The following DCAF17 variants were observed in gnomAD, a reference collection of about 807,000 sequenced individuals.
DCAF17 encodes DDB1- and CUL4-associated factor 17.
In DCAF17, 48 loss-of-function variants were observed where a neutral mutation model predicts 66.0. The ratio of observed to expected loss-of-function variants is 0.73; its 90% confidence interval spans 0.58 to 0.92. The LOEUF is 0.92. Among genes scored for constraint, DCAF17 ranks in the 40% least tolerant of loss-of-function variants. The pLI is 0.00. For missense variants in DCAF17, 562 were observed against 622.8 expected (o/e 0.90, Z 1.04); for synonymous variants, 206 against 214.6 (o/e 0.96, Z 0.35).
chr2:171,456,566 C>T (rs1273082915), intron 6 of DCAF17, among the ~76,000 whole-genome samples: 1 of 152,200 alleles, frequency 6.6e-6, no homozygotes, highest in Non-Finnish European at 1.5e-5. Context: ...ATGGGAATAG[C>T]ATTAAATATA....
At chr2:171,452,836 A>C (rs1695032782) in intron 5 of DCAF17, among the ~76,000 whole-genome samples, 1 of 152,246 alleles carries the variant, frequency 6.6e-6, no homozygotes, top group Non-Finnish European at 1.5e-5. Flanking sequence ...ACTCCAATTC[A>C]AAATATAAAT....
chr2:171,436,323 C>G (rs1693944332), intron 2 of DCAF17, among the ~76,000 whole-genome samples: 1 of 152,108 alleles, frequency 6.6e-6, no homozygotes, highest in Non-Finnish European at 1.5e-5. Flanking sequence ...TTCACTTCTC[C>G]TAGATTATAC....
At position 171,482,130 on chromosome 2, in the gene DCAF17, T is replaced by G. The variant is rs1696769316; in HGVS notation, c.*1016T>G. 2.2e-6 allele frequency: 1 copy of G among 448,158 alleles called. No homozygotes were observed. Among genetic ancestry groups the G allele is most frequent in the African/African-American group, 2.0e-5 (1 of 49,654 alleles). The allele number at this position is 448,158 out of a possible 1,614,324, so 27.8% of individuals were successfully genotyped here. A position where few individuals can be genotyped will look rare whatever the true frequency, so the allele number is the denominator to read the frequency against. Reference sequence around the variant, plus strand: ...GTCCTTGACTTTTAATAATCATTCTTTAGAATGTTAAATAAAGGCAACCCA... The same window carrying G: ...GTCCTTGACTTTTAATAATCATTCTGTAGAATGTTAAATAAAGGCAACCCA... On this transcript the variant is annotated 3_prime_UTR_variant, in exon 14 of 14. Coordinates refer to ENST00000375255, the MANE Select transcript of DCAF17 (RefSeq NM_025000.4).
At chr2:171,473,643 T>G (rs954342879) in intron 9 of DCAF17, among the ~76,000 whole-genome samples, 3 of 152,198 alleles carry the variant, frequency 2.0e-5, no homozygotes, top group Non-Finnish European at 4.4e-5. Context: ...TTGTGAGATA[T>G]AGGGTATGTT....
intron 2 of DCAF17, among the ~76,000 whole-genome samples, chr2:171,436,405 C>A (rs1693955678): frequency 6.6e-6 from 1 of 152,188 alleles, no homozygotes; most frequent in South Asian, 2.1e-4. Flanking sequence ...CTGCCATACA[C>A]TTTTCTAAAG....
At chr2:171,479,705 C>G in intron 12 of DCAF17, 1 of 324,306 alleles carries the variant, frequency 3.1e-6, no homozygotes, top group Non-Finnish European at 5.9e-6. Context: ...AGCAAACACA[C>G]TTGTGAGAGG....
rs1693773412 is a variant in DCAF17 at position 171,435,115 on chromosome 2, T to C, written c.159T>C (p.Thr53=). The C allele has an allele frequency of 1.2e-6, 2 of 1,612,722 alleles. No homozygotes were observed. The highest frequency in any genetic ancestry group is 2.7e-5 in the African/African-American group (2 of 74,888). ...CTAAATTTAAGAATGTCTGGACAAC[T>C]CATTCCAGGTCACCTATAGCCTATG... ...ESTKFKNVWT[T]HSRSPIAYER... The change falls in exon 2 of 14, where the codon ACT becomes ACC. Residue 53 remains threonine, a synonymous_variant. Coordinates refer to ENST00000375255, the MANE Select transcript of DCAF17 (RefSeq NM_025000.4).
At chr2:171,463,881 T>C (rs1317994549) in intron 8 of DCAF17, among the ~76,000 whole-genome samples, 2 of 152,324 alleles carry the variant, frequency 1.3e-5, no homozygotes, top group East Asian at 1.9e-4. Flanking sequence ...TAAAGACTTA[T>C]TTCTTCCCTT....
At chr2:171,467,915 A>T (rs761204520) in intron 8 of DCAF17, among the ~76,000 whole-genome samples, 1 of 151,770 alleles carries the variant, frequency 6.6e-6, no homozygotes, top group Admixed American at 6.6e-5. Context: ...ATAACATGTG[A>T]CTCTTACACG....
chr2:171,464,664 G>C (rs940717234), intron 8 of DCAF17, among the ~76,000 whole-genome samples: 3 of 152,306 alleles, frequency 2.0e-5, no homozygotes, highest in African/African-American at 7.2e-5. Context: ...CCCAGATCTA[G>C]TTGTGTTCAT....
At chr2:171,453,763 TA>T (rs972758376) in intron 6 of DCAF17, among the ~76,000 whole-genome samples, 32 of 149,284 alleles carry the variant, frequency 2.1e-4, no homozygotes, top group South Asian at 6.4e-4. Context: ...GATTCTACTT[TA>T]AAAAAAAAAG....
rs200234183 is a variant in DCAF17 at position 171,468,781 on chromosome 2, T to G, written c.839-107T>G. On this transcript the variant is annotated intron_variant, in intron 8 of 13. Transcript: ENST00000375255. ...CTTGAACATAGTAATTTTTCATTAATAGAAATTTATAGATGTTGCATGCAA... is the reference window on the plus strand; with the variant it reads ...CTTGAACATAGTAATTTTTCATTAAGAGAAATTTATAGATGTTGCATGCAA... 27 of 1,411,088 alleles carry G rather than the reference T, an allele frequency of 1.9e-5. No individual in the cohort carries two copies. In the East Asian group the frequency reaches 5.3e-4, roughly 28 times the overall value. The allele number at this position is 1,411,088 out of a possible 1,614,324, so 87.4% of individuals were successfully genotyped here. A position where few individuals can be genotyped will look rare whatever the true frequency, so the allele number is the denominator to read the frequency against.
At chr2:171,468,861 A>C (rs778489822) in intron 8 of DCAF17, 27 bp from the exon 9 acceptor site, 1 of 1,614,006 alleles carries the variant, frequency 6.2e-7, no homozygotes, top group Middle Eastern at 1.7e-4. Flanking sequence ...CAGTGCAGCT[A>C]ATGAATTCCT....
rs559653501 is a variant in DCAF17 at position 171,443,830 on chromosome 2, G to A, written c.321+217G>A. Among the ~76,000 whole-genome samples the A allele has an allele frequency of 1.5e-4, 22 of 151,508 alleles. No individual in the cohort carries two copies. In the South Asian group the frequency reaches 4.4e-3, roughly 30 times the overall value. On this transcript the variant is annotated intron_variant, in intron 3 of 13. Transcript: ENST00000375255. ...ATGAATGTGTTTTTAAAATTAGATAGATTTTTTTTAGATCCTGAAAACTAA... is the reference window on the plus strand; with the variant it reads ...ATGAATGTGTTTTTAAAATTAGATAAATTTTTTTTAGATCCTGAAAACTAA...
chr2:171,478,188 C>A, intron 12 of DCAF17, 118 bp downstream of exon 12: 1 of 859,410 alleles, frequency 1.2e-6, no homozygotes, highest in Non-Finnish European at 2.0e-6. Context: ...GCAGGCAGGC[C>A]AGTTGGGTGG....
chr2:171,434,506 G>A lies in DCAF17; in HGVS notation c.-72G>A, dbSNP rs1042276730. 5 of 1,523,178 alleles carry A rather than the reference G, an allele frequency of 3.3e-6. No homozygotes were observed. The Admixed American group carries it at 5.9e-5, about 18-fold the overall frequency. The allele number at this position is 1,523,178 out of a possible 1,614,324, so 94.4% of individuals were successfully genotyped here. ...GGCCTCGAAATTCGAAGGCAGCGGCGGCTGCCCAGCACGGGAGTGTGGGGC... is the reference window on the plus strand; with the variant it reads ...GGCCTCGAAATTCGAAGGCAGCGGCAGCTGCCCAGCACGGGAGTGTGGGGC... On this transcript the variant is annotated 5_prime_UTR_variant, in exon 1 of 14. Transcript: ENST00000375255.
At position 171,455,597 on chromosome 2, in the gene DCAF17, C is replaced by T. The variant is rs143704920; in HGVS notation, c.628-2374C>T. 9.0e-3 allele frequency among the ~76,000 whole-genome samples: 1,376 copies of T among 152,334 alleles called. 23 individuals carry two copies. Among genetic ancestry groups the T allele is most frequent in the African/African-American group, 0.031 (1,308 of 41,568 alleles). ...CTTTGAGGAACCACCACACTGTCTTCCATAATGGTCAGACTAATTTCCATT... is the reference window on the plus strand; with the variant it reads ...CTTTGAGGAACCACCACACTGTCTTTCATAATGGTCAGACTAATTTCCATT... On this transcript the variant is annotated intron_variant, in intron 6 of 13. Transcript: ENST00000375255.
In DCAF17 at chr2:171,481,182, T is replaced by C; in HGVS notation, c.*68T>C. 6.3e-7 allele frequency: 1 copy of C among 1,591,652 alleles called. No homozygotes were observed. The highest frequency in any genetic ancestry group is 8.6e-7 in the Non-Finnish European group (1 of 1,160,636). On this transcript the variant is annotated 3_prime_UTR_variant, in exon 14 of 14. Coordinates refer to ENST00000375255, the MANE Select transcript of DCAF17 (RefSeq NM_025000.4). ...ACCCCAGCAGCTGCGTCCAATCCAT[T>C]TTATTATCTGCATGGCACATTCTCC... is the stretch of plus-strand genomic sequence containing the variant.
chr2:171,483,215 A>G lies in DCAF17; in HGVS notation c.*2101A>G, dbSNP rs1559298426. The G allele has an allele frequency of 2.2e-6, 1 of 454,132 alleles. No individual in the cohort carries two copies. Among genetic ancestry groups the G allele is most frequent in the Non-Finnish European group, 4.4e-6 (1 of 226,784 alleles). The allele number at this position is 454,132 out of a possible 1,614,324, so 28.1% of individuals were successfully genotyped here. ...ACAGCTGCTCATTCTGCCACCTGCC[A>G]GACATTAATGTCTTCCTGCCCTACC... On this transcript the variant is annotated 3_prime_UTR_variant, in exon 14 of 14. Transcript: ENST00000375255.
Sources: gnomAD v4.1 joint callset for allele counts (sites outside exome capture counted in the v4.1 genomes callset) on GRCh38, gnomAD v4.1.1 for gene constraint, MANE v1.5 for transcripts, NCBI Gene and HGNC (gene_info 2026-07-23, HGNC 2026-07-21) for gene names.